Variants in GPM6A observed in about 807,000 individuals in gnomAD.
The protein encoded by GPM6A is neuronal membrane glycoprotein M6-a.
Under a neutral mutation model 32.1 loss-of-function variants are expected in GPM6A, and 7 were observed. The ratio of observed to expected loss-of-function variants is 0.22; its 90% CI spans 0.12 to 0.41. GPM6A has a LOEUF of 0.41. GPM6A is among the 10% of genes least tolerant of loss of function. The pLI, the probability that GPM6A is intolerant of heterozygous loss-of-function variation, is 1.00. For synonymous variants in GPM6A, 130 were observed against 123.4 expected, an observed-to-expected ratio of 1.05 and a Z score of -0.35; for missense variants, 235 against 347.2, an observed-to-expected ratio of 0.68 and a Z score of 2.57.
intron 2 of GPM6A, among the ~76,000 whole-genome samples, chr4:175,678,331 ATTG>A (rs1414036885): frequency 1.3e-5 from 2 of 152,146 alleles, no homozygotes; most frequent in Non-Finnish European, 2.9e-5. Context: ...TTATTAACAA[ATTG>A]TTGTTTATTT....
chr4:175,918,581 G>GT (rs1738569229), intron 1 of GPM6A, among the ~76,000 whole-genome samples: 1 of 152,072 alleles, frequency 6.6e-6, no homozygotes, highest in Non-Finnish European at 1.5e-5. Context: ...GTGGAAGACA[G>GT]TTTAGCAAGA....
chr4:175,764,740 T>A (rs1174559554), intron 1 of GPM6A, among the ~76,000 whole-genome samples: 1 of 151,910 alleles, frequency 6.6e-6, no homozygotes, highest in African/African-American at 2.4e-5. Context: ...CTGGTATACA[T>A]CTCAAACTTA....
intron 6 of GPM6A, among the ~76,000 whole-genome samples, chr4:175,637,730 TA>T (rs1560842983): frequency 9.8e-5 from 1 of 10,244 alleles, no homozygotes; most frequent in East Asian, 1.4e-3. Context: ...TATAATATAT[TA>T]TATATTATAT....
At chr4:175,650,697 C>T (rs1436021565) in intron 4 of GPM6A, among the ~76,000 whole-genome samples, 1 of 152,054 alleles carries the variant, frequency 6.6e-6, no homozygotes, top group African/African-American at 2.4e-5. Flanking sequence ...GGTGGGTGAG[C>T]CACTGTTCTG....
chr4:175,667,628 C>A (rs1243038554), intron 3 of GPM6A, among the ~76,000 whole-genome samples: 1 of 152,118 alleles, frequency 6.6e-6, no homozygotes, highest in Non-Finnish European at 1.5e-5. Context: ...AGTAGAGTGT[C>A]AGTCACAGGG....
At chr4:175,636,629 C>G (rs537662560) in intron 6 of GPM6A, among the ~76,000 whole-genome samples, 16 of 150,524 alleles carry the variant, frequency 1.1e-4, no homozygotes, top group Admixed American at 2.0e-4. Flanking sequence ...AACCCCATCT[C>G]TACTAAAAGT....
intron 1 of GPM6A, among the ~76,000 whole-genome samples, chr4:175,773,518 CTATT>C (rs1294715577): frequency 6.6e-6 from 1 of 152,122 alleles, no homozygotes; most frequent in African/African-American, 2.4e-5. Flanking sequence ...TATTGATTTT[CTATT>C]TATCAAACTC....
At chr4:175,787,057 T>G in intron 1 of GPM6A, 1 of 336,094 alleles carries the variant, frequency 3.0e-6, no homozygotes, top group Non-Finnish European at 5.4e-6. Context: ...CGGTGTTTGT[T>G]TGTTTTCCTT....
At chr4:175,888,169 A>G (rs1320560149) in intron 1 of GPM6A, among the ~76,000 whole-genome samples, 1 of 152,038 alleles carries the variant, frequency 6.6e-6, no homozygotes. Flanking sequence ...TTAAAATTAG[A>G]AAATCTTATT....
At chr4:175,828,262 C>T (rs1337083333) in intron 1 of GPM6A, among the ~76,000 whole-genome samples, 1 of 152,092 alleles carries the variant, frequency 6.6e-6, no homozygotes, top group South Asian at 2.1e-4. Flanking sequence ...GGGTAGAAGG[C>T]AAGATACAGC....
At chr4:175,961,344 A>G (rs895952917) in intron 1 of GPM6A, 1 of 152,188 alleles carries the variant, frequency 6.6e-6, no homozygotes, top group Non-Finnish European at 1.5e-5. Flanking sequence ...ACTGCATTCT[A>G]AAAACAAATA....
At chr4:175,690,413 C>T (rs1744230451) in intron 2 of GPM6A, among the ~76,000 whole-genome samples, 1 of 152,178 alleles carries the variant, frequency 6.6e-6, no homozygotes, top group Non-Finnish European at 1.5e-5. Context: ...TATCAAATTA[C>T]CACAAACTTG....
At chr4:175,926,586 T>C (rs1474965265) in intron 1 of GPM6A, among the ~76,000 whole-genome samples, 2 of 152,160 alleles carry the variant, frequency 1.3e-5, no homozygotes, top group Non-Finnish European at 2.9e-5. Flanking sequence ...AATATGATAA[T>C]CTGAAAATTT....
At chr4:175,718,565 G>A (rs925866484) in intron 1 of GPM6A, among the ~76,000 whole-genome samples, 3 of 152,086 alleles carry the variant, frequency 2.0e-5, no homozygotes, top group Non-Finnish European at 2.9e-5. Context: ...GCAGTGAGCC[G>A]AGATTGCGCC....
At chr4:175,852,031 G>C (rs1736274611) in intron 1 of GPM6A, among the ~76,000 whole-genome samples, 2 of 152,090 alleles carry the variant, frequency 1.3e-5, no homozygotes. Flanking sequence ...CAGAGTCAGA[G>C]ACAAACACAA....
chr4:175,761,611 T>C (rs961125756), intron 1 of GPM6A, among the ~76,000 whole-genome samples: 20 of 152,134 alleles, frequency 1.3e-4, no homozygotes, highest in African/African-American at 4.6e-4. Flanking sequence ...TATAATTATT[T>C]GGACATCTAT....
intron 4 of GPM6A, among the ~76,000 whole-genome samples, chr4:175,646,921 C>A (rs1267279258): frequency 6.6e-6 from 1 of 152,210 alleles, no homozygotes; most frequent in Non-Finnish European, 1.5e-5. Context: ...AGATTTGAGA[C>A]TGATCTCCCA....
At chr4:175,954,334 T>C (rs1477145777) in intron 1 of GPM6A, among the ~76,000 whole-genome samples, 2 of 152,194 alleles carry the variant, frequency 1.3e-5, no homozygotes, top group Non-Finnish European at 2.9e-5. Context: ...ACAGCTCTAG[T>C]GGCTAAGGGT....
chr4:175,737,080 G>A (rs993527206), intron 1 of GPM6A, among the ~76,000 whole-genome samples: 8 of 152,170 alleles, frequency 5.3e-5, no homozygotes, highest in Non-Finnish European at 8.8e-5. Context: ...CTCTAGATTA[G>A]TCATGTCAAT....
Sources: gnomAD v4.1 joint callset for allele counts (sites outside exome capture counted in the v4.1 genomes callset) on GRCh38, gnomAD v4.1.1 for gene constraint, MANE v1.5 for transcripts, NCBI Gene and HGNC (gene_info 2026-07-23, HGNC 2026-07-21) for gene names.